RNF212: variants seen among roughly 807,000 people sequenced by gnomAD.
RNF212 encodes probable E3 SUMO-protein ligase RNF212.
A neutral mutation model predicts 34.7 loss-of-function variants in RNF212; 33 were observed. The observed-to-expected ratio is 0.95, with a 90% CI of 0.72 to 1.27. The LOEUF is 1.27. RNF212 is among the 50% of genes most tolerant of loss of function. The pLI, the probability that RNF212 is intolerant of heterozygous loss-of-function variation, is 0.00. For synonymous variants in RNF212, 140 were observed against 136.1 expected, an observed-to-expected ratio of 1.03 and a Z score of -0.20; for missense variants, 377 against 362.2, an observed-to-expected ratio of 1.04 and a Z score of -0.33.
chr4:1,105,106 C>G (rs1266717992), intron 2 of RNF212, among the ~76,000 whole-genome samples: 2 of 152,216 alleles, frequency 1.3e-5, no homozygotes, highest in African/African-American at 4.8e-5. Flanking sequence ...CAAGACTTAT[C>G]TCTTACCACT....
At chr4:1,076,370 C>T (rs1346165086) in intron 8 of RNF212, among the ~76,000 whole-genome samples, 4 of 152,204 alleles carry the variant, frequency 2.6e-5, no homozygotes, top group African/African-American at 7.2e-5. Flanking sequence ...TTTGCTTCTC[C>T]GAGTCCACCC....
At chr4:1,107,056 ATT>A (rs963709472) in intron 2 of RNF212, among the ~76,000 whole-genome samples, 2 of 143,824 alleles carry the variant, frequency 1.4e-5, no homozygotes, top group Non-Finnish European at 1.5e-5. Flanking sequence ...AGAAGATACC[ATT>A]TTTTTTTTTT....
intron 4 of RNF212, among the ~76,000 whole-genome samples, chr4:1,089,537 T>C (rs1721855701): frequency 6.6e-6 from 1 of 152,206 alleles, no homozygotes; most frequent in South Asian, 2.1e-4. Flanking sequence ...GTTAAAACTT[T>C]GGGGGACTGC....
Position 1,096,792 on chromosome 4 carries a change from A to G in RNF212, c.219T>C (p.Cys73=). The G allele has an allele frequency of 6.2e-7, 1 of 1,613,950 alleles. No homozygotes were observed. The highest frequency in any genetic ancestry group is 8.5e-7 in the Non-Finnish European group (1 of 1,179,752). Residue 73 remains cysteine, a synonymous_variant, in exon 3 of 10, where the codon TGT becomes TGC. Coordinates refer to ENST00000433731, the MANE Select transcript of RNF212 (RefSeq NM_001131034.4). ...GGGAGGTTTCCCTGGAGTACTTCTT[A>G]CACAGACTGTCTATGCTCATGAAGA... ...QAFFMSIDSL[C]KKYSRETSQI...
chr4:1,069,038 T>C (rs1315129565), downstream of RNF212, among the ~76,000 whole-genome samples: 2 of 152,104 alleles, frequency 1.3e-5, no homozygotes, highest in Non-Finnish European at 2.9e-5. Flanking sequence ...CGAAACTCCA[T>C]CTCTACTAAA....
chr4:1,089,125 C>T (rs1721791837), intron 4 of RNF212, among the ~76,000 whole-genome samples: 2 of 152,208 alleles, frequency 1.3e-5, no homozygotes, highest in Admixed American at 1.3e-4. Context: ...CCATCAACAG[C>T]TTGCACTGTG....
At position 1,085,850 on chromosome 4, in the gene RNF212, C is replaced by T. The variant is rs762089546; in HGVS notation, c.362+46G>A. 1.4e-5 allele frequency: 18 copies of T among 1,318,984 alleles called. No individual in the cohort carries two copies. The Admixed American group carries it at 2.8e-4, about 21-fold the overall frequency. The allele number at this position is 1,318,984 out of a possible 1,614,324, so 81.7% of individuals were successfully genotyped here. On this transcript the variant is annotated intron_variant, in intron 5 of 9. Coordinates refer to ENST00000433731, the MANE Select transcript of RNF212 (RefSeq NM_001131034.4). ...AGAGCCAGACGACCAATGCACATGG[C>T]AGTGGGTGCCTCGACTGCGCACTCA...
chr4:1,110,667 T>C (rs562958278), intron 1 of RNF212, among the ~76,000 whole-genome samples: 55 of 152,312 alleles, frequency 3.6e-4, no homozygotes, highest in African/African-American at 1.1e-3. Context: ...ATTGCTTTTG[T>C]TTTAAAAATC....
At chr4:1,096,924 G>GA in intron 2 of RNF212, 85 bp from the exon 3 acceptor site, 1 of 1,015,694 alleles carries the variant, frequency 9.8e-7, no homozygotes, top group Non-Finnish European at 1.6e-6. Context: ...TGAAGACCTA[G>GA]AATTAGCTAT....
intron 2 of RNF212, chr4:1,100,194 G>T: frequency 3.3e-6 from 1 of 300,984 alleles, no homozygotes; most frequent in South Asian, 3.0e-5. Context: ...CAGGCTTACT[G>T]CTTTCCCGTG....
At chr4:1,069,399 G>T (rs935968), downstream of RNF212, among the ~76,000 whole-genome samples, 114,814 of 151,970 alleles carry the variant, frequency 0.76, 43,631 homozygotes, top group Non-Finnish European at 0.78. Context: ...GGTGAGGCCG[G>T]ATGAGGCAAA....
chr4:1,088,484 G>A (rs1721686041), intron 4 of RNF212, among the ~76,000 whole-genome samples: 2 of 152,332 alleles, frequency 1.3e-5, no homozygotes, highest in Admixed American at 6.5e-5. Context: ...ATGTTTAAAA[G>A]GGAAGCAGAA....
At chr4:1,062,016 A>T (rs1029416272) in intron 3 of RNF212, among the ~76,000 whole-genome samples, 1 of 152,234 alleles carries the variant, frequency 6.6e-6, no homozygotes, top group African/African-American at 2.4e-5. Flanking sequence ...TAAATGAGCC[A>T]AAGAATTAAA....
At chr4:1,068,667 T>C (rs1718246836), downstream of RNF212, among the ~76,000 whole-genome samples, 1 of 152,244 alleles carries the variant, frequency 6.6e-6, no homozygotes, top group Non-Finnish European at 1.5e-5. Context: ...ATGCTCTTCA[T>C]TCCTTCTAAC....
At chr4:1,056,732 C>T (rs1717348511) in intron 4 of RNF212, 12 of 612,058 alleles carry the variant, frequency 2.0e-5, no homozygotes, top group Non-Finnish European at 2.5e-5. Flanking sequence ...CTCTTGAGAA[C>T]GTTTAGAGCT....
rs766706806 is a variant in RNF212 at position 1,074,196 on chromosome 4, G to A, written c.511-534C>T. Among the ~76,000 whole-genome samples, 5 of 152,128 alleles carry A rather than the reference G, an allele frequency of 3.3e-5. 1 individual carries two copies. The highest frequency in any genetic ancestry group is 2.0e-4 in the Admixed American group (3 of 15,270). On this transcript the variant is annotated intron_variant, in intron 8 of 9. Coordinates refer to ENST00000433731, the MANE Select transcript of RNF212 (RefSeq NM_001131034.4). Reference sequence around the variant, plus strand: ...AACCTGTGAACCCAGAGCTGCCAGCGCAGGTTCTGAGACTGGTAAGGGAGG... The same window carrying A: ...AACCTGTGAACCCAGAGCTGCCAGCACAGGTTCTGAGACTGGTAAGGGAGG...
chr4:1,077,070 A>G (rs367797344), intron 8 of RNF212, among the ~76,000 whole-genome samples: 11 of 152,184 alleles, frequency 7.2e-5, no homozygotes, highest in African/African-American at 2.7e-4. Context: ...TCTACTAAAA[A>G]TACAAAAATT....
In RNF212 at chr4:1,072,639, G is replaced by T. The variant is rs988601928; in HGVS notation, c.*235C>A. ...TGTGAAAAAAAAACTCCCTAAGCAT[G>T]AGAACCTATAAAATAAAAGGGATAA... is the stretch of plus-strand genomic sequence containing the variant. On this transcript the variant is annotated 3_prime_UTR_variant, in exon 10 of 10. Coordinates refer to ENST00000433731, the MANE Select transcript of RNF212 (RefSeq NM_001131034.4). 3.6e-6 allele frequency: 4 copies of T among 1,108,966 alleles called. No homozygotes were observed. In the African/African-American group the frequency reaches 6.5e-5, roughly 18 times the overall value. 68.7% of individuals were successfully genotyped at this position (1,108,966 alleles called of 1,614,324 possible).
intron 2 of RNF212, chr4:1,101,253 AT>A (rs1362508208): frequency 6.0e-6 from 2 of 331,694 alleles, no homozygotes; most frequent in African/African-American, 4.4e-5. Context: ...TCTTCAAGTT[AT>A]ATCCTTCTGG....
Sources: allele counts gnomAD v4.1 joint callset (sites outside exome capture counted in the v4.1 genomes callset), GRCh38; gene constraint gnomAD v4.1.1; transcripts MANE v1.5; gene names NCBI Gene and HGNC (gene_info 2026-07-23, HGNC 2026-07-21).